The following SERPINA9 variants were observed in gnomAD, a reference collection of about 807,000 sequenced individuals.
SERPINA9 encodes serpin family A member 9, also known as serpin A9.
A neutral mutation model predicts 24.5 loss-of-function variants in SERPINA9; 32 were observed. That is an observed-to-expected ratio of 1.30 (90% CI 0.98 to 1.75). SERPINA9 has a LOEUF of 1.75. Ranked by LOEUF, SERPINA9 falls within the 40% of genes most tolerant of loss-of-function variation. The pLI is 0.00. For missense variants in SERPINA9, 594 were observed against 497.1 expected (o/e 1.19, Z -1.85); for synonymous variants, 233 against 197.7 (o/e 1.18, Z -1.50).
At chr14:94,475,586 T>C (rs1899570628) in intron 1 of SERPINA9, among the ~76,000 whole-genome samples, 1 of 152,110 alleles carries the variant, frequency 6.6e-6, no homozygotes, top group Non-Finnish European at 1.5e-5. Context: ...CCCCTCTCTC[T>C]CCCCTACACC....
chr14:94,464,308 T>TCTCTCTCTCTCTCTCTCTCTCC (rs1898888517), intron 4 of SERPINA9: 3 of 84,308 alleles, frequency 3.6e-5, no homozygotes, highest in African/African-American at 1.2e-4. Flanking sequence ...TCTCTCTCTC[T>TCTCTCTCTCTCTCTCTCTCTCC]CTCTCTCTCT....
rs537519178 is a variant in SERPINA9 at position 94,465,356 on chromosome 14, T to C, written c.903-502A>G. ...ACTGAGCAACTTAAACAGTGGCTTGTGCAAATGAGAAACTAAAATGTTAAT... is the reference window on the plus strand; with the variant it reads ...ACTGAGCAACTTAAACAGTGGCTTGCGCAAATGAGAAACTAAAATGTTAAT... On this transcript the variant is annotated intron_variant, in intron 3 of 4. Coordinates refer to ENST00000674397, the MANE Select transcript of SERPINA9 (RefSeq NM_175739.4). Among the ~76,000 whole-genome samples the C allele has an allele frequency of 2.7e-3, 407 of 152,346 alleles. 2 individuals carry two copies. The highest frequency in any genetic ancestry group is 9.0e-3 in the African/African-American group (374 of 41,576).
In SERPINA9 at chr14:94,465,646, GC is replaced by G. The variant is rs1898968829; in HGVS notation, c.903-793del. ...GGGTTCAAGTGTTTCTCCTGCCTCAGCCTCCCAAGTAGCTGGGATTACAGGT... is the reference window on the plus strand; with the variant it reads ...GGGTTCAAGTGTTTCTCCTGCCTCAGCTCCCAAGTAGCTGGGATTACAGGT... On this transcript the variant is annotated intron_variant, in intron 3 of 4. Coordinates refer to ENST00000674397, the MANE Select transcript of SERPINA9 (RefSeq NM_175739.4). Among the ~76,000 whole-genome samples, 4 of 152,204 alleles carry G rather than the reference GC, an allele frequency of 2.6e-5. No homozygotes were observed. The South Asian group carries it at 6.2e-4, about 24-fold the overall frequency.
chr14:94,463,126 A>C lies in SERPINA9; in HGVS notation c.1221T>G (p.Phe407Leu). Residue 407 changes from phenylalanine (F) to leucine (L), a missense_variant, in exon 5 of 5, where the codon TTT (phenylalanine) becomes TTG (leucine). By Grantham distance (22) the Phe-to-Leu change is conservative. Coordinates refer to ENST00000674397, the MANE Select transcript of SERPINA9 (RefSeq NM_175739.4). ...TAGTGGGATTTTCCACTTTCCCTAG[A>C]AAGAGAATACCGTCTGTGGCTTTAT... is the stretch of plus-strand genomic sequence containing the variant. Reference protein sequence around the residue: ...ITNKATDGILFLGKVENPTKS With the variant: ...ITNKATDGILLLGKVENPTKS 6.2e-7 allele frequency: 1 copy of C among 1,614,186 alleles called. No homozygotes were observed. Among genetic ancestry groups the C allele is most frequent in the Non-Finnish European group, 8.5e-7 (1 of 1,179,992 alleles).
intron 1 of SERPINA9, among the ~76,000 whole-genome samples, chr14:94,470,964 T>A (rs1438210842): frequency 6.6e-6 from 1 of 152,128 alleles, no homozygotes; most frequent in Non-Finnish European, 1.5e-5. Context: ...GGTGTATGAA[T>A]CCAATGCAAG....
intron 1 of SERPINA9, among the ~76,000 whole-genome samples, chr14:94,474,251 C>T (rs148983743): frequency 2.6e-4 from 40 of 152,292 alleles, no homozygotes; most frequent in Admixed American, 5.9e-4. Flanking sequence ...GGTTGTGCCT[C>T]CTAAAGAATC....
At chr14:94,473,019 T>C (rs1294420670) in intron 1 of SERPINA9, among the ~76,000 whole-genome samples, 1 of 152,186 alleles carries the variant, frequency 6.6e-6, no homozygotes, top group African/African-American at 2.4e-5. Context: ...TTCTGTGCCC[T>C]GGAACCCACT....
chr14:94,470,143 C>G, intron 1 of SERPINA9: 1 of 1,128,356 alleles, frequency 8.9e-7, no homozygotes. Flanking sequence ...AGTCAGGTCT[C>G]AAATTCCAAA....
At chr14:94,474,760 C>T (rs1309567872) in intron 1 of SERPINA9, among the ~76,000 whole-genome samples, 6 of 152,110 alleles carry the variant, frequency 3.9e-5, no homozygotes, top group East Asian at 3.9e-4. Context: ...CAGGGCTTGC[C>T]TCTTCTGGAC....
At chr14:94,472,682 A>G (rs1899379554) in intron 1 of SERPINA9, among the ~76,000 whole-genome samples, 1 of 152,242 alleles carries the variant, frequency 6.6e-6, no homozygotes, top group South Asian at 2.1e-4. Context: ...AAACACCACT[A>G]GACACAAGAA....
chr14:94,474,778 TC>T (rs1397179498), intron 1 of SERPINA9, among the ~76,000 whole-genome samples: 5 of 152,036 alleles, frequency 3.3e-5, no homozygotes, highest in Admixed American at 2.6e-4. Context: ...GACCTCTCCC[TC>T]CCAGCTACCA....
chr14:94,467,213 A>G lies in SERPINA9; in HGVS notation c.798T>C (p.Asp266=), dbSNP rs368986283. ...CFVLQMDYKG[D]AVAFFVLPSK... ...TAGGGAGGACAAAGAAGGCCACGGC[A>G]TCTCCCTTGTAATCCATCTGCAGCA... Residue 266 remains aspartate (D), a synonymous_variant, in exon 3 of 5, where the codon GAT becomes GAC. Transcript: ENST00000674397. 6.2e-7 allele frequency: 1 copy of G among 1,614,242 alleles called. No homozygotes were observed. Among genetic ancestry groups the G allele is most frequent in the South Asian group, 1.1e-5 (1 of 91,088 alleles).
rs778127536 is a variant in SERPINA9, at chr14:94,463,153, T to C, written c.1194A>G (p.Thr398=). Residue 398 remains threonine, a synonymous_variant, in exon 5 of 5, where the codon ACA becomes ACG. Transcript: ENST00000674397. ...SFNRTFLMMI[T]NKATDGILFL... ...AGAGAATACCGTCTGTGGCTTTATT[T>C]GTAATCATCATCAGGAAGGTCCTAT... 1 of 1,614,224 alleles carries C rather than the reference T, an allele frequency of 6.2e-7. No homozygotes were observed. The highest frequency in any genetic ancestry group is 1.7e-5 in the Admixed American group (1 of 60,030).
chr14:94,470,532 T>C (rs764247286), intron 1 of SERPINA9, among the ~76,000 whole-genome samples: 1 of 152,218 alleles, frequency 6.6e-6, no homozygotes, highest in Non-Finnish European at 1.5e-5. Context: ...TCAGACTAAA[T>C]GACCTGATAG....
intron 4 of SERPINA9, among the ~76,000 whole-genome samples, chr14:94,464,087 G>A (rs183941367): frequency 6.6e-6 from 1 of 152,206 alleles, no homozygotes; most frequent in Non-Finnish European, 1.5e-5. Flanking sequence ...TAAGAGCATG[G>A]GGTGCCCACA....
Position 94,463,625 on chromosome 14 carries a change from C to T in SERPINA9, c.1051-329G>A, listed in dbSNP as rs191070861. Among the ~76,000 whole-genome samples, 97 of 152,242 alleles carry T rather than the reference C, an allele frequency of 6.4e-4. 1 individual carries two copies. Among genetic ancestry groups the T allele is most frequent in the Non-Finnish European group, 8.8e-5 (6 of 68,030 alleles). ...AAAGGTAATAATAACTGCATATGCC[C>T]CGTAAGGTTATTGTGTAAATTAAGA... On this transcript the variant is annotated intron_variant, in intron 4 of 4. Coordinates refer to ENST00000674397, the MANE Select transcript of SERPINA9 (RefSeq NM_175739.4).
rs1353940315 is a variant in SERPINA9 at position 94,467,356 on chromosome 14, C to T, written c.655G>A (p.Glu219Lys). 4.3e-6 allele frequency: 7 copies of T among 1,611,852 alleles called. No individual in the cohort carries two copies. The highest frequency in any genetic ancestry group is 5.9e-6 in the Non-Finnish European group (7 of 1,178,338). Residue 219 changes from glutamate (E) to lysine (K), a missense_variant, in exon 3 of 5, where the codon GAA becomes AAA. Coordinates refer to ENST00000674397, the MANE Select transcript of SERPINA9 (RefSeq NM_175739.4). ...AATGGGAAGTTCTTTCTTGTATATTCAGGGTGAAAGGGCTTCTCCCACTTG... is the reference window on the plus strand; with the variant it reads ...AATGGGAAGTTCTTTCTTGTATATTTAGGGTGAAAGGGCTTCTCCCACTTG... ...KAKWEKPFHP[E>K]YTRKNFPFLV...
At chr14:94,473,878 C>T (rs1460204865) in intron 1 of SERPINA9, among the ~76,000 whole-genome samples, 2 of 152,224 alleles carry the variant, frequency 1.3e-5, no homozygotes, top group African/African-American at 4.8e-5. Context: ...ATTGCTTCAT[C>T]TTCTGAATTG....
At chr14:94,474,898 C>T (rs532013305) in intron 1 of SERPINA9, among the ~76,000 whole-genome samples, 2 of 152,130 alleles carry the variant, frequency 1.3e-5, no homozygotes, top group African/African-American at 4.8e-5. Context: ...GTATCACTCA[C>T]CTCACCTCGA....
Sources: allele counts gnomAD v4.1 joint callset (sites outside exome capture counted in the v4.1 genomes callset), GRCh38; gene constraint gnomAD v4.1.1; transcripts MANE v1.5; gene names NCBI Gene and HGNC (gene_info 2026-07-23, HGNC 2026-07-21).